PAK3: variants seen among roughly 807,000 people sequenced by gnomAD.
PAK3 encodes serine/threonine-protein kinase PAK 3.
PAK3 carries 4 observed loss-of-function variants against 41.0 expected under a neutral mutation model. The ratio of observed to expected loss-of-function variants is 0.10; its 90% CI spans 0.05 to 0.22. PAK3 has a LOEUF of 0.22. Ranked by LOEUF, PAK3 falls within the 10% of genes least tolerant of loss-of-function variation. The pLI is 1.00. For synonymous variants in PAK3, 146 were observed against 139.6 expected (o/e 1.05, Z -0.32); for missense variants, 205 against 409.9 (o/e 0.50, Z 4.32).
At chrX:111,157,259 C>G (rs1015254771) in intron 8 of PAK3, among the ~76,000 whole-genome samples, 1 of 111,399 alleles carries the variant, frequency 9.0e-6, no homozygotes, top group Non-Finnish European at 1.9e-5. Flanking sequence ...TCTAAAGCCT[C>G]TAAGTTCCTT....
intron 1 of PAK3, among the ~76,000 whole-genome samples, chrX:110,981,900 G>T (rs1167620038): frequency 8.9e-6 from 1 of 111,734 alleles, no homozygotes; most frequent in Non-Finnish European, 1.9e-5. Flanking sequence ...AGAGAAAATT[G>T]CCACAATATG....
intron 5 of PAK3, among the ~76,000 whole-genome samples, chrX:111,133,446 T>C (rs937157350): frequency 2.7e-5 from 3 of 112,339 alleles, no homozygotes; most frequent in Non-Finnish European, 3.8e-5. Flanking sequence ...ACTTAGCACC[T>C]AATTTTCTTT....
chrX:110,971,490 T>C (rs2091206817), intron 1 of PAK3, among the ~76,000 whole-genome samples: 1 of 112,334 alleles, frequency 8.9e-6, no homozygotes, highest in African/African-American at 3.2e-5. Flanking sequence ...CATTCATCAG[T>C]TGAATATTTA....
At chrX:111,165,525 T>G (rs181717446) in intron 10 of PAK3, among the ~76,000 whole-genome samples, 1 of 112,418 alleles carries the variant, frequency 8.9e-6, no homozygotes, top group Non-Finnish European at 1.9e-5. Context: ...AAGCTTACAC[T>G]TTTTCCATTA....
rs73537158 is a variant in PAK3, at chrX:111,007,852, C to T, written c.-28+63224C>T. ...CAGAAGGCAACTGAGCTTTACTGAG[C>T]ATGCAACCCCAGAGAAAAGCTCTAG... On this transcript the variant is annotated intron_variant, in intron 1 of 14. Transcript: ENST00000425146. 3.5e-3 allele frequency among the ~76,000 whole-genome samples: 388 copies of T among 112,005 alleles called. 2 individuals carry two copies. Among genetic ancestry groups the T allele is most frequent in the African/African-American group, 0.012 (365 of 30,828 alleles).
At chrX:110,947,339 T>G (rs183206137) in intron 1 of PAK3, among the ~76,000 whole-genome samples, 2,604 of 112,065 alleles carry the variant, frequency 0.023, 71 homozygotes, top group African/African-American at 0.079. Flanking sequence ...CTTTGTTCAC[T>G]GGCTGTCAAT....
chrX:111,071,904 T>A (rs1367717600), intron 1 of PAK3, among the ~76,000 whole-genome samples: 1 of 112,146 alleles, frequency 8.9e-6, no homozygotes, highest in Non-Finnish European at 1.9e-5. Flanking sequence ...ATAATTTCAT[T>A]TGAGTGTAGA....
At chrX:111,152,910 C>CT (rs2094050967) in intron 8 of PAK3, 2 of 117,617 alleles carry the variant, frequency 1.7e-5, no homozygotes, top group African/African-American at 6.5e-5. Context: ...CTTTTTATCT[C>CT]TGAGTATTCC....
At chrX:111,176,718 A>G (rs1054810216) in intron 11 of PAK3, among the ~76,000 whole-genome samples, 3 of 110,051 alleles carry the variant, frequency 2.7e-5, no homozygotes, top group African/African-American at 6.6e-5. Context: ...TGTGCTGCAT[A>G]TCTGTCTTCT....
rs149308777 is a variant in PAK3, at chrX:110,990,310, C to G, written c.-28+45682C>G. Among the ~76,000 whole-genome samples the G allele has an allele frequency of 6.2e-5, 7 of 112,224 alleles. No individual in the cohort carries two copies. In the East Asian group the frequency reaches 2.0e-3, roughly 31 times the overall value. The stretch of plus-strand genomic sequence containing the variant: ...ACCTTGGAAACAGATAAACATTTTA[C>G]AACGATGAGGGTATAGTATCATTAA... On this transcript the variant is annotated intron_variant, in intron 1 of 14. Coordinates refer to the PAK3 transcript ENST00000425146.
At chrX:111,071,781 A>G (rs1169709612) in intron 1 of PAK3, among the ~76,000 whole-genome samples, 1 of 112,215 alleles carries the variant, frequency 8.9e-6, no homozygotes, top group Non-Finnish European at 1.9e-5. Context: ...TGTTCCAGCC[A>G]GAGAGTAGAG....
chrX:110,972,292 C>T (rs1369448080), intron 1 of PAK3, among the ~76,000 whole-genome samples: 3 of 111,559 alleles, frequency 2.7e-5, no homozygotes, highest in African/African-American at 9.8e-5. Context: ...CCCCGACCCC[C>T]GTGTAGCCTA....
intron 1 of PAK3, among the ~76,000 whole-genome samples, chrX:111,081,743 T>C (rs933554328): frequency 2.7e-5 from 3 of 111,534 alleles, no homozygotes; most frequent in African/African-American, 9.8e-5. Context: ...ATATATATGT[T>C]ATATGTTATA....
At chrX:111,083,110 T>C (rs1278737338) in intron 1 of PAK3, among the ~76,000 whole-genome samples, 1 of 112,688 alleles carries the variant, frequency 8.9e-6, no homozygotes, top group Non-Finnish European at 1.9e-5. Context: ...AGTTTTTTGT[T>C]TGAAACGCAA....
chrX:111,098,434 C>T (rs969898268), intron 3 of PAK3: 1 of 110,859 alleles, frequency 9.0e-6, no homozygotes, highest in Non-Finnish European at 1.9e-5. Flanking sequence ...TTACCAACAA[C>T]CCAAAAGCCC....
At chrX:111,131,118 G>A (rs1360998977) in intron 5 of PAK3, among the ~76,000 whole-genome samples, 1 of 111,836 alleles carries the variant, frequency 8.9e-6, no homozygotes, top group Admixed American at 9.5e-5. Flanking sequence ...GAAGCAAGTA[G>A]AACCCAGGTG....
At chrX:111,131,024 A>G (rs954739436) in intron 5 of PAK3, among the ~76,000 whole-genome samples, 3 of 111,800 alleles carry the variant, frequency 2.7e-5, no homozygotes, top group African/African-American at 9.7e-5. Context: ...GTAGTTGAAG[A>G]CTATACTGCT....
intron 1 of PAK3, among the ~76,000 whole-genome samples, chrX:111,054,727 A>G (rs2092588936): frequency 9.0e-6 from 1 of 111,435 alleles, no homozygotes; most frequent in Non-Finnish European, 1.9e-5. Flanking sequence ...GTGTTAAAAT[A>G]TTGAAATACT....
At chrX:111,104,492 G>T (rs1185182790) in intron 4 of PAK3, among the ~76,000 whole-genome samples, 2 of 111,608 alleles carry the variant, frequency 1.8e-5, no homozygotes, top group Admixed American at 9.5e-5. Context: ...TTCAGCCATG[G>T]AATTGAAGGT....
Sources: gnomAD v4.1 joint callset for allele counts (sites outside exome capture counted in the v4.1 genomes callset) on GRCh38, gnomAD v4.1.1 for gene constraint, MANE v1.5 for transcripts, NCBI Gene and HGNC (gene_info 2026-07-23, HGNC 2026-07-21) for gene names.